The following ZBTB8B variants were observed in gnomAD, a reference collection of about 807,000 sequenced individuals.
ZBTB8B encodes zinc finger and BTB domain-containing protein 8B.
ZBTB8B carries 17 observed loss-of-function variants against 30.3 expected under a neutral mutation model. That is an observed-to-expected ratio of 0.56 (90% CI 0.38 to 0.84). The LOEUF is 0.84. ZBTB8B is among the 40% of genes least tolerant of loss of function. The pLI, the probability that ZBTB8B is intolerant of heterozygous loss-of-function variation, is 0.00. For synonymous variants in ZBTB8B, 248 were observed against 255.6 expected, an observed-to-expected ratio of 0.97 and a Z score of 0.28; for missense variants, 515 against 644.9, an observed-to-expected ratio of 0.80 and a Z score of 2.18.
At position 32,496,575 on chromosome 1, in the gene ZBTB8B, G is replaced by C. The variant is rs1643818821; in HGVS notation, c.*11157G>C. 6.6e-6 allele frequency: 1 copy of C among 152,070 alleles called. No homozygotes were observed. The highest frequency in any genetic ancestry group is 1.5e-5 in the Non-Finnish European group (1 of 68,008). The allele number at this position is 152,070 out of a possible 1,614,324, so 9.4% of individuals were successfully genotyped here. A position where few individuals can be genotyped will look rare whatever the true frequency, so the allele number is the denominator to read the frequency against. The stretch of plus-strand genomic sequence containing the variant: ...TTGGTTTTTAAGTGGTAATGTACCA[G>C]GTCTGTTTATATAGGTCAGTGTTGC... On this transcript the variant is annotated 3_prime_UTR_variant, in exon 4 of 4. Transcript: ENST00000609129.
rs1643792465 is a variant in ZBTB8B at position 32,493,374 on chromosome 1, C to T, written c.*7956C>T. On this transcript the variant is annotated 3_prime_UTR_variant, in exon 4 of 4. Transcript: ENST00000609129. The stretch of plus-strand genomic sequence containing the variant: ...ACCAGGATGGTCTTGATCTCCTGAC[C>T]TCGTGATCTGCCTGCCTCAGCCTCC... The T allele has an allele frequency of 6.6e-6, 1 of 152,122 alleles. No homozygotes were observed. Among genetic ancestry groups the T allele is most frequent in the South Asian group, 2.1e-4 (1 of 4,834 alleles). 9.4% of individuals were successfully genotyped at this position (152,122 alleles called of 1,614,324 possible). A position where few individuals can be genotyped will look rare whatever the true frequency, so the allele number is the denominator to read the frequency against.
At position 32,481,046 on chromosome 1, in the gene ZBTB8B, C is replaced by T. The variant is rs759552651; in HGVS notation, c.1147C>T (p.His383Tyr). The T allele has an allele frequency of 1.1e-5, 17 of 1,551,624 alleles. No homozygotes were observed. In the South Asian group the frequency reaches 1.5e-4, roughly 14 times the overall value. The change falls in exon 3 of 4, where the codon CAC becomes TAC. Residue 383 changes from histidine (H) to tyrosine (Y), a missense_variant. His to Tyr is a moderately conservative substitution (Grantham distance 83, BLOSUM62 2). Transcript: ENST00000609129. Reference sequence around the variant, plus strand: ...CGGCAAGAGGTTCACTCGACAAGAGCACCTGCGGAGCCACGCACTGAGTGT... The same window carrying T: ...CGGCAAGAGGTTCACTCGACAAGAGTACCTGCGGAGCCACGCACTGAGTGT... ...TCGKRFTRQE[H>Y]LRSHALSVHR...
At position 32,470,708 on chromosome 1, in the gene ZBTB8B, C is replaced by A. The variant is rs1185338182; in HGVS notation, c.84C>A (p.Ile28=). 5.8e-6 allele frequency: 9 copies of A among 1,551,710 alleles called. No individual in the cohort carries two copies. The highest frequency in any genetic ancestry group is 6.1e-6 in the Non-Finnish European group (7 of 1,146,994). Residue 28 remains isoleucine, a synonymous_variant, in exon 2 of 4, where the codon ATC becomes ATA. Transcript: ENST00000609129. ...GGGACTTTTTCTGTGACTGCAGCAT[C>A]ATTGTGGAAGGGCGGATCTTCAAGG... ...RKRDFFCDCS[I]IVEGRIFKAH... is the part of the protein sequence containing the mutation.
At position 32,480,883 on chromosome 1, in the gene ZBTB8B, T is replaced by C. The variant is rs1310102197; in HGVS notation, c.992-8T>C. 1.3e-6 allele frequency: 2 copies of C among 1,550,312 alleles called. No individual in the cohort carries two copies. The highest frequency in any genetic ancestry group is 2.4e-5 in the East Asian group (1 of 40,884). On this transcript the variant is annotated splice_polypyrimidine_tract_variant and splice_region_variant and intron_variant, in intron 2 of 3. Coordinates refer to ENST00000609129, the MANE Select transcript of ZBTB8B (RefSeq NM_001145720.2). ...AGCACAGCTAAATGAAAGCATTTGG[T>C]TCCCCAGGTGATGTGCTGGTGGTCC...
At chr1:32,474,514 C>G (rs1159487173) in intron 2 of ZBTB8B, among the ~76,000 whole-genome samples, 3 of 147,416 alleles carry the variant, frequency 2.0e-5, no homozygotes, top group Non-Finnish European at 4.5e-5. Flanking sequence ...GCCTCGATGA[C>G]AGAGTGAGAC....
At chr1:32,478,221 C>T (rs888395558) in intron 2 of ZBTB8B, among the ~76,000 whole-genome samples, 10 of 140,108 alleles carry the variant, frequency 7.1e-5, no homozygotes, top group African/African-American at 2.4e-4. Context: ...GTGTCAAAAA[C>T]GAAAAACAGG....
Position 32,471,430 on chromosome 1 carries a change from A to T in ZBTB8B, c.806A>T (p.Asp269Val). Residue 269 changes from aspartate (D) to valine (V), a missense_variant, in exon 2 of 4, where the codon GAC (aspartate) becomes GTC (valine). Asp to Val is a radical substitution (Grantham distance 152, BLOSUM62 -3). This residue lies in a region of ZBTB8B where 429 missense variants were observed against 504.3 expected (regional missense o/e 0.85). Transcript: ENST00000609129. The part of the protein sequence containing the change: ...EEALPSGQAV[D>V]LAYSNYHVKQ... ...GCCTTGCCAAGCGGCCAGGCGGTTG[A>T]CTTGGCTTACAGCAACTACCACGTG... 6.4e-7 allele frequency: 1 copy of T among 1,551,828 alleles called. No homozygotes were observed. Among genetic ancestry groups the T allele is most frequent in the African/African-American group, 1.4e-5 (1 of 73,198 alleles).
chr1:32,471,380 G>A lies in ZBTB8B; in HGVS notation c.756G>A (p.Pro252=), dbSNP rs990568370. 1 of 1,551,686 alleles carries A rather than the reference G, an allele frequency of 6.4e-7. No homozygotes were observed. The highest frequency in any genetic ancestry group is 1.4e-5 in the African/African-American group (1 of 73,074). The part of the protein sequence containing the change: ...VGEQLQQYAA[P]LNLAHVEEAL... ...AACAGCTGCAGCAGTATGCTGCCCC[G>A]CTGAACCTGGCCCACGTGGAGGAGG... Residue 252 remains proline, a synonymous_variant, in exon 2 of 4, where the codon CCG becomes CCA. Transcript: ENST00000609129.
Position 32,486,026 on chromosome 1 carries a change from T to C in ZBTB8B, c.*608T>C, listed in dbSNP as rs1347688371. 2.0e-5 allele frequency: 3 copies of C among 153,200 alleles called. No individual in the cohort carries two copies. The highest frequency in any genetic ancestry group is 3.9e-4 in the East Asian group (2 of 5,188). The allele number at this position is 153,200 out of a possible 1,614,324, so 9.5% of individuals were successfully genotyped here. ...TGGGAATGATCTGAAAGGCTCATTA[T>C]GGCATCCTGACTTGCCCAGTTGAAT... is the stretch of plus-strand genomic sequence containing the variant. On this transcript the variant is annotated 3_prime_UTR_variant, in exon 4 of 4. Coordinates refer to ENST00000609129, the MANE Select transcript of ZBTB8B (RefSeq NM_001145720.2).
Position 32,494,217 on chromosome 1 carries a change from A to T in ZBTB8B, c.*8799A>T, listed in dbSNP as rs1386623578. On this transcript the variant is annotated 3_prime_UTR_variant, in exon 4 of 4. Transcript: ENST00000609129. ...AAAAAAAAAAAAAAAAGAAATCAGG[A>T]TACATATAGGACAGAACCATTAAAT... 6.6e-6 allele frequency: 1 copy of T among 150,750 alleles called. No individual in the cohort carries two copies. The highest frequency in any genetic ancestry group is 1.5e-5 in the Non-Finnish European group (1 of 67,884). The allele number at this position is 150,750 out of a possible 1,614,324, so 9.3% of individuals were successfully genotyped here.
At chr1:32,471,971 TATC>T (rs562810648) in intron 2 of ZBTB8B, among the ~76,000 whole-genome samples, 3 of 132,684 alleles carry the variant, frequency 2.3e-5, no homozygotes, top group Admixed American at 7.2e-5. Flanking sequence ...TCATCTCCAG[TATC>T]ACCATCATCA....
Position 32,485,311 on chromosome 1 carries a change from T to C in ZBTB8B, c.1381T>C (p.Trp461Arg), listed in dbSNP as rs1196380759. ...SQEKSDTDND[W>R]PIYVESGEEN... The stretch of plus-strand genomic sequence containing the variant: ...AGAAAAGAGCGACACAGACAATGAC[T>C]GGCCAATCTATGTGGAGTCGGGTGA... Residue 461 changes from tryptophan to arginine, a missense_variant, in exon 4 of 4, where the codon TGG (tryptophan) becomes CGG (arginine). Trp to Arg is a moderately radical substitution (Grantham distance 101). Transcript: ENST00000609129. 2 of 1,552,274 alleles carry C rather than the reference T, an allele frequency of 1.3e-6. No individual in the cohort carries two copies. The highest frequency in any genetic ancestry group is 2.4e-5 in the East Asian group (1 of 40,926).
chr1:32,471,100 A>C lies in ZBTB8B; in HGVS notation c.476A>C (p.Glu159Ala), dbSNP rs1643616134. ...AAAAAHQVDSESPSSGREGTS... is the reference protein window; with the variant it reads ...AAAAAHQVDSASPSSGREGTS... ...GCGGCGGCTCATCAGGTTGACAGTG[A>C]AAGCCCCAGTTCAGGCCGGGAGGGG... is the stretch of plus-strand genomic sequence containing the variant. Residue 159 changes from glutamate (E) to alanine (A), a missense_variant, in exon 2 of 4, where the codon GAA (glutamate) becomes GCA (alanine). Coordinates refer to ENST00000609129, the MANE Select transcript of ZBTB8B (RefSeq NM_001145720.2). 1 of 1,551,308 alleles carries C rather than the reference A, an allele frequency of 6.4e-7. No homozygotes were observed. Among genetic ancestry groups the C allele is most frequent in the Non-Finnish European group, 8.7e-7 (1 of 1,146,940 alleles).
chr1:32,467,760 G>T (rs1276545031), intron 1 of ZBTB8B, among the ~76,000 whole-genome samples: 3 of 152,104 alleles, frequency 2.0e-5, no homozygotes, highest in Non-Finnish European at 2.9e-5. Flanking sequence ...ATAAACAGGA[G>T]TTAACCAAGG....
At chr1:32,477,943 G>C (rs1226148000) in intron 2 of ZBTB8B, among the ~76,000 whole-genome samples, 2 of 151,772 alleles carry the variant, frequency 1.3e-5, no homozygotes, top group African/African-American at 4.8e-5. Context: ...TGTAATCCCA[G>C]CTACTTGGGA....
chr1:32,485,045 T>TG, intron 3 of ZBTB8B, 56 bp from the exon 4 acceptor site: 6 of 1,519,694 alleles, frequency 3.9e-6, no homozygotes, highest in Non-Finnish European at 4.4e-6. Flanking sequence ...CGGGGCCTTG[T>TG]GGAAAACACT....
intron 2 of ZBTB8B, among the ~76,000 whole-genome samples, chr1:32,474,558 A>G (rs1176043949): frequency 6.6e-6 from 1 of 151,878 alleles, no homozygotes; most frequent in Non-Finnish European, 1.5e-5. Flanking sequence ...AAGAAAAAAA[A>G]AAGAAACACT....
In ZBTB8B at chr1:32,481,048, C is replaced by T; in HGVS notation, c.1149C>T (p.His383=). The change falls in exon 3 of 4, where the codon CAC becomes CAT. Residue 383 remains histidine (H), a synonymous_variant. Coordinates refer to ENST00000609129, the MANE Select transcript of ZBTB8B (RefSeq NM_001145720.2). Reference sequence around the variant, plus strand: ...GCAAGAGGTTCACTCGACAAGAGCACCTGCGGAGCCACGCACTGAGTGTAA... The same window carrying T: ...GCAAGAGGTTCACTCGACAAGAGCATCTGCGGAGCCACGCACTGAGTGTAA... The part of the protein sequence containing the change: ...TCGKRFTRQE[H]LRSHALSVHR... 6.4e-7 allele frequency: 1 copy of T among 1,551,704 alleles called. No individual in the cohort carries two copies. Among genetic ancestry groups the T allele is most frequent in the Non-Finnish European group, 8.7e-7 (1 of 1,146,944 alleles).
intron 2 of ZBTB8B, among the ~76,000 whole-genome samples, chr1:32,478,618 T>C (rs1464399729): frequency 6.6e-6 from 1 of 152,240 alleles, no homozygotes; most frequent in Non-Finnish European, 1.5e-5. Flanking sequence ...TGATGAGCTT[T>C]TGAGCTGCTG....
Sources: allele counts gnomAD v4.1 joint callset (sites outside exome capture counted in the v4.1 genomes callset), GRCh38; gene constraint gnomAD v4.1.1; regional missense constraint gnomAD v4.1.1; transcripts MANE v1.5; gene names NCBI Gene and HGNC (gene_info 2026-07-23, HGNC 2026-07-21).